GPR158: variants seen among roughly 807,000 people sequenced by gnomAD.
The protein encoded by GPR158 is metabotropic glycine receptor.
Under a neutral mutation model 78.2 loss-of-function variants are expected in GPR158, and 30 were observed. The ratio of observed to expected loss-of-function variants is 0.38; its 90% CI spans 0.29 to 0.52. The LOEUF is 0.52. Among genes scored for constraint, GPR158 ranks in the 20% least tolerant of loss-of-function variants. The pLI, the probability that GPR158 is intolerant of heterozygous loss-of-function variation, is 0.83. For missense variants in GPR158, 1,463 were observed against 1,523.5 expected (o/e 0.96, Z 0.66); for synonymous variants, 581 against 591.1 (o/e 0.98, Z 0.25).
At chr10:25,291,296 C>T (rs562590911) in intron 2 of GPR158, among the ~76,000 whole-genome samples, 10 of 151,998 alleles carry the variant, frequency 6.6e-5, no homozygotes, top group African/African-American at 1.4e-4. Context: ...CTATTAGACA[C>T]GGGCCATAGA....
intron 2 of GPR158, among the ~76,000 whole-genome samples, chr10:25,372,331 C>G (rs1268287030): frequency 1.3e-5 from 2 of 151,688 alleles, no homozygotes; most frequent in Non-Finnish European, 2.9e-5. Flanking sequence ...CTAGAAATAC[C>G]ATTTGACCCA....
intron 1 of GPR158, among the ~76,000 whole-genome samples, chr10:25,194,259 C>T (rs1852814942): frequency 6.6e-6 from 1 of 152,194 alleles, no homozygotes; most frequent in Admixed American, 6.5e-5. Flanking sequence ...AAGAGCCAGG[C>T]TGGGCCCAGT....
chr10:25,385,434 T>G (rs140526447), intron 2 of GPR158, among the ~76,000 whole-genome samples: 2 of 152,288 alleles, frequency 1.3e-5, no homozygotes, highest in African/African-American at 4.8e-5. Context: ...AATATGGGTA[T>G]GCAAATAGCT....
chr10:25,457,129 A>T (rs1383622051), intron 4 of GPR158, among the ~76,000 whole-genome samples: 1 of 121,540 alleles, frequency 8.2e-6, no homozygotes, highest in East Asian at 2.3e-4. Flanking sequence ...CCTGCCAGCC[A>T]CCATGCCCAC....
At chr10:25,211,262 G>A (rs779491715) in intron 1 of GPR158, among the ~76,000 whole-genome samples, 6 of 152,046 alleles carry the variant, frequency 3.9e-5, no homozygotes, top group Non-Finnish European at 7.4e-5. Flanking sequence ...CCACTATAAC[G>A]ATACCTGAGA....
intron 2 of GPR158, among the ~76,000 whole-genome samples, chr10:25,295,445 A>C (rs1000464867): frequency 6.6e-6 from 1 of 151,852 alleles, no homozygotes; most frequent in Non-Finnish European, 1.5e-5. Context: ...ACGAAGTCTC[A>C]CTCTGTCACC....
chr10:25,175,202 A>C lies in GPR158; in HGVS notation c.-219A>C. On this transcript the variant is annotated 5_prime_UTR_variant, in exon 1 of 11. Transcript: ENST00000376351. The surrounding 1 kb of genome is among the most constrained non-coding windows in gnomAD (Gnocchi z 6.4). ...CCAGCCGGCCCCTCGCGCAGCGGGC[A>C]CGGCCAGCGCTGCCACAGGTGACTT... 4.2e-6 allele frequency: 2 copies of C among 471,064 alleles called. No homozygotes were observed. The highest frequency in any genetic ancestry group is 3.7e-5 in the South Asian group (1 of 26,712). 29.2% of individuals were successfully genotyped at this position (471,064 alleles called of 1,614,324 possible).
chr10:25,497,218 A>T (rs3886350), intron 5 of GPR158, among the ~76,000 whole-genome samples: 55,385 of 152,044 alleles, frequency 0.36, 11,131 homozygotes, highest in East Asian at 0.46. Flanking sequence ...ATTGGACTCC[A>T]TGAAACAATA....
chr10:25,378,912 C>A (rs2130562037), intron 2 of GPR158, among the ~76,000 whole-genome samples: 1 of 152,164 alleles, frequency 6.6e-6, no homozygotes, highest in East Asian at 1.9e-4. Flanking sequence ...CTACTTCAGC[C>A]CCGAGTAGCT....
chr10:25,409,695 G>A (rs1290273523), intron 3 of GPR158, among the ~76,000 whole-genome samples: 9 of 152,240 alleles, frequency 5.9e-5, no homozygotes, highest in African/African-American at 2.2e-4. Context: ...ATCCAATCAT[G>A]ACTTCTCAAA....
chr10:25,229,994 T>A (rs1161678292), intron 2 of GPR158, among the ~76,000 whole-genome samples: 1 of 152,158 alleles, frequency 6.6e-6, no homozygotes, highest in African/African-American at 2.4e-5. Flanking sequence ...TCAGTGAAGG[T>A]TATGGTCGTT....
intron 2 of GPR158, among the ~76,000 whole-genome samples, chr10:25,277,470 AAG>A (rs370403743): frequency 6.5e-4 from 97 of 148,598 alleles, no homozygotes; most frequent in Non-Finnish European, 7.2e-4. Flanking sequence ...AAAAAAGCAA[AAG>A]AGAGAGAGAG....
chr10:25,443,705 C>A (rs1835099991), intron 4 of GPR158, among the ~76,000 whole-genome samples: 1 of 149,892 alleles, frequency 6.7e-6, no homozygotes, highest in Admixed American at 6.6e-5. Context: ...CTGCTCCCAG[C>A]CCCTCTTCTT....
intron 4 of GPR158, among the ~76,000 whole-genome samples, chr10:25,433,570 T>TGTGGGC (rs1554803626): frequency 1.6e-5 from 2 of 128,668 alleles, no homozygotes; most frequent in Non-Finnish European, 3.4e-5. Context: ...TGTGTGTGTG[T>TGTGGGC]GCGCGCGCGC....
At chr10:25,521,454 T>C (rs1253105566) in intron 5 of GPR158, among the ~76,000 whole-genome samples, 1 of 152,240 alleles carries the variant, frequency 6.6e-6, no homozygotes, top group Non-Finnish European at 1.5e-5. Context: ...TATTATTGAT[T>C]TAAGTTTGAC....
intron 5 of GPR158, among the ~76,000 whole-genome samples, chr10:25,505,527 T>G (rs1450602541): frequency 6.6e-6 from 1 of 152,176 alleles, no homozygotes; most frequent in Non-Finnish European, 1.5e-5. Flanking sequence ...TTCCACATAA[T>G]TGACAGGATA....
chr10:25,525,201 ACT>A (rs1836331043), intron 5 of GPR158, among the ~76,000 whole-genome samples: 1 of 152,150 alleles, frequency 6.6e-6, no homozygotes, highest in Non-Finnish European at 1.5e-5. Context: ...TGGTGCAGTC[ACT>A]CTCTAAAACA....
chr10:25,338,387 C>A (rs1418596098), intron 2 of GPR158, among the ~76,000 whole-genome samples: 1 of 137,360 alleles, frequency 7.3e-6, no homozygotes, highest in Non-Finnish European at 1.5e-5. Flanking sequence ...ATATATCTCT[C>A]TCTATATATA....
At chr10:25,476,894 T>G (rs1835593465) in intron 5 of GPR158, among the ~76,000 whole-genome samples, 1 of 152,098 alleles carries the variant, frequency 6.6e-6, no homozygotes, top group African/African-American at 2.4e-5. Context: ...AGGGTTTGGT[T>G]CTAAGACTAA....
Sources: gnomAD v4.1 joint callset for allele counts (sites outside exome capture counted in the v4.1 genomes callset) on GRCh38, gnomAD v4.1.1 for gene constraint, Gnocchi (gnomAD v3.1) non-coding constraint, MANE v1.5 for transcripts, NCBI Gene and HGNC (gene_info 2026-07-23, HGNC 2026-07-21) for gene names.